The following ADAMTS20 variants were observed in gnomAD, a reference collection of about 807,000 sequenced individuals.
The protein encoded by ADAMTS20 is A disintegrin and metalloproteinase with thrombospondin motifs 20.
In ADAMTS20, 225 loss-of-function variants were observed where a neutral mutation model predicts 260.1. That is an observed-to-expected ratio of 0.87 (90% CI 0.78 to 0.97). ADAMTS20 has a LOEUF of 0.97. Among genes scored for constraint, ADAMTS20 ranks in the 50% least tolerant of loss-of-function variants. The probability of loss-of-function intolerance (pLI) is 0.00; values close to 1 mark genes in which losing one functional copy is unlikely to be tolerated. For missense variants in ADAMTS20, 2,400 were observed against 2,337.7 expected (o/e 1.03, Z -0.55); for synonymous variants, 802 against 769.5 (o/e 1.04, Z -0.70).
At chr12:43,375,278 G>T in intron 36 of ADAMTS20, 101 bp downstream of exon 36, 1 of 1,281,088 alleles carries the variant, frequency 7.8e-7, no homozygotes, top group Non-Finnish European at 1.1e-6. Flanking sequence ...ACAATGTCAG[G>T]TCCTTCTCTG....
intron 36 of ADAMTS20, among the ~76,000 whole-genome samples, chr12:43,369,711 C>G: frequency 6.6e-6 from 1 of 151,772 alleles, no homozygotes; most frequent in Non-Finnish European, 1.5e-5. Flanking sequence ...GGGTCAGGAG[C>G]AAAATCACTG....
At chr12:43,542,965 G>A (rs1439334917) in intron 2 of ADAMTS20, among the ~76,000 whole-genome samples, 1 of 152,164 alleles carries the variant, frequency 6.6e-6, no homozygotes, top group Non-Finnish European at 1.5e-5. Context: ...AGTTCCAGAA[G>A]GTAGAACCAA....
chr12:43,462,495 C>G (rs1360751772), intron 11 of ADAMTS20, among the ~76,000 whole-genome samples: 1 of 152,100 alleles, frequency 6.6e-6, no homozygotes, highest in Non-Finnish European at 1.5e-5. Flanking sequence ...AAAGAAGCCA[C>G]TTAAAACTTT....
At chr12:43,395,864 G>A (rs1421438225) in intron 29 of ADAMTS20, among the ~76,000 whole-genome samples, 1 of 151,852 alleles carries the variant, frequency 6.6e-6, no homozygotes, top group Non-Finnish European at 1.5e-5. Context: ...AAGGGGAGGT[G>A]AGAATTCAGA....
chr12:43,545,904 G>T (rs534875186), intron 2 of ADAMTS20, among the ~76,000 whole-genome samples: 1 of 151,972 alleles, frequency 6.6e-6, no homozygotes, highest in Non-Finnish European at 1.5e-5. Context: ...TCTCTTGAAA[G>T]ACCTGGACTA....
At position 43,377,369 on chromosome 12, in the gene ADAMTS20, C is replaced by G; in HGVS notation, c.4991G>C (p.Ser1664Thr). Residue 1664 changes from serine (S) to threonine (T), a missense_variant, in exon 32 of 39, where the codon AGC (serine) becomes ACC (threonine). Ser to Thr is a moderately conservative substitution (Grantham distance 58). Transcript: ENST00000389420. ...HLATWKVGKW[S>T]KCSVTCGIGI... ...AATTCATAATTGTACACCGACCTTG[C>G]TCCATTTTCCAACTTTCCAAGTGGC... 1 of 1,610,260 alleles carries G rather than the reference C, an allele frequency of 6.2e-7. No homozygotes were observed. Among genetic ancestry groups the G allele is most frequent in the Non-Finnish European group, 8.5e-7 (1 of 1,177,696 alleles).
chr12:43,490,260 A>T lies in ADAMTS20; in HGVS notation c.1117+135T>A, dbSNP rs1329925298. On this transcript the variant is annotated intron_variant, in intron 7 of 38. Transcript: ENST00000389420. Reference sequence around the variant, plus strand: ...TTACAGCAGCAGAATGAAATAAGTGACAAGTGTAATAATTTATCAAGATAA... The same window carrying T: ...TTACAGCAGCAGAATGAAATAAGTGTCAAGTGTAATAATTTATCAAGATAA... 5 of 488,054 alleles carry T rather than the reference A, an allele frequency of 1.0e-5. No individual in the cohort carries two copies. In the African/African-American group the frequency reaches 1.0e-4, roughly 10 times the overall value. The allele number at this position is 488,054 out of a possible 1,614,324, so 30.2% of individuals were successfully genotyped here.
At chr12:43,385,633 T>C (rs1052321343) in intron 29 of ADAMTS20, among the ~76,000 whole-genome samples, 10 of 152,168 alleles carry the variant, frequency 6.6e-5, no homozygotes, top group Non-Finnish European at 1.3e-4. Context: ...GTATAAGGTG[T>C]AAGGAGGGGG....
At chr12:43,432,244 A>T (rs576570042) in intron 21 of ADAMTS20, 60 bp downstream of exon 21, 1 of 1,520,858 alleles carries the variant, frequency 6.6e-7, no homozygotes, top group South Asian at 1.2e-5. Context: ...AAAGTCTTAG[A>T]TTACAAAGCT....
chr12:43,381,806 A>G (rs897110000), intron 31 of ADAMTS20, among the ~76,000 whole-genome samples: 9 of 145,136 alleles, frequency 6.2e-5, no homozygotes, highest in African/African-American at 2.0e-4. Context: ...AAAAAAAAAG[A>G]TGGGCAGAAG....
At chr12:43,487,406 G>T (rs1298467476) in intron 7 of ADAMTS20, among the ~76,000 whole-genome samples, 1 of 148,914 alleles carries the variant, frequency 6.7e-6, no homozygotes, top group African/African-American at 2.5e-5. Context: ...AATGGACACT[G>T]GAAGCTCGGA....
chr12:43,381,346 C>CA (rs765722172), intron 31 of ADAMTS20, among the ~76,000 whole-genome samples: 2 of 151,764 alleles, frequency 1.3e-5, no homozygotes, highest in Non-Finnish European at 2.9e-5. Context: ...AGAACTAAAA[C>CA]AAAAAACAAA....
rs74082061 is a variant in ADAMTS20, at chr12:43,482,506, T to G, written c.1117+7889A>C. Among the ~76,000 whole-genome samples the G allele has an allele frequency of 6.2e-3, 948 of 152,292 alleles. 15 individuals carry two copies. Among genetic ancestry groups the G allele is most frequent in the Middle Eastern group, 0.024 (7 of 294 alleles). The stretch of plus-strand genomic sequence containing the variant: ...AGTGTGGGAGCTGAGTGGGGCTTAC[T>G]GCCACCTCCCAGTGTAGATTCTTTT... On this transcript the variant is annotated intron_variant, in intron 7 of 38. Transcript: ENST00000389420.
rs755435967 is a variant in ADAMTS20, at chr12:43,383,677, C to T, written c.4678G>A (p.Asp1560Asn). 6.2e-7 allele frequency: 1 copy of T among 1,613,908 alleles called. No homozygotes were observed. Among genetic ancestry groups the T allele is most frequent in the Non-Finnish European group, 8.5e-7 (1 of 1,179,844 alleles). ...KDSHQRMECT[D>N]NQIRQVNEIV... Reference sequence around the variant, plus strand: ...TCATTCACTTGTCTGATTTGGTTATCTGTGCACTCCATTCGTTGATGTGAA... The same window carrying T: ...TCATTCACTTGTCTGATTTGGTTATTTGTGCACTCCATTCGTTGATGTGAA... Residue 1560 changes from aspartate to asparagine, a missense_variant, in exon 31 of 39, where the codon GAT becomes AAT. Coordinates refer to ENST00000389420, the MANE Select transcript of ADAMTS20 (RefSeq NM_025003.5).
intron 28 of ADAMTS20, among the ~76,000 whole-genome samples, chr12:43,406,878 A>G (rs1449767857): frequency 2.0e-5 from 3 of 152,086 alleles, no homozygotes; most frequent in Admixed American, 2.0e-4. Flanking sequence ...TTAAAACAAA[A>G]AAAATGACAA....
chr12:43,381,010 A>G (rs1167286119), intron 31 of ADAMTS20, among the ~76,000 whole-genome samples: 1 of 152,180 alleles, frequency 6.6e-6, no homozygotes, highest in African/African-American at 2.4e-5. Flanking sequence ...AGTCATCAAG[A>G]CTACATGGTA....
At position 43,551,722 on chromosome 12, in the gene ADAMTS20, A is replaced by G; in HGVS notation, c.91+109T>C. On this transcript the variant is annotated intron_variant, in intron 1 of 38. Coordinates refer to ENST00000389420, the MANE Select transcript of ADAMTS20 (RefSeq NM_025003.5). This position sits in a 1 kb window ranked among gnomAD's most constrained non-coding sequence, Gnocchi z 4.6. The stretch of plus-strand genomic sequence containing the variant: ...GTCCGGGAGTCCCGGGAGCTCCAGC[A>G]GGGCCAGCGTTCCCCAACGGGCTGA... The G allele has an allele frequency of 8.7e-7, 1 of 1,147,368 alleles. No individual in the cohort carries two copies. Among genetic ancestry groups the G allele is most frequent in the Non-Finnish European group, 1.3e-6 (1 of 787,176 alleles). 71.1% of individuals were successfully genotyped at this position (1,147,368 alleles called of 1,614,324 possible). A position where few individuals can be genotyped will look rare whatever the true frequency, so the allele number is the denominator to read the frequency against.
Position 43,492,359 on chromosome 12 carries a change from G to A in ADAMTS20, c.1076+146C>T, listed in dbSNP as rs887014063. ...CGCGCCACTGCACTCCACCCTGGGC[G>A]ACAGAGCGAGACTCTGTCTCAAAAA... On this transcript the variant is annotated intron_variant, in intron 6 of 38. Transcript: ENST00000389420. The A allele has an allele frequency of 8.2e-6, 8 of 974,126 alleles. No homozygotes were observed. In the African/African-American group the frequency reaches 8.4e-5, roughly 10 times the overall value. The allele number at this position is 974,126 out of a possible 1,614,324, so 60.3% of individuals were successfully genotyped here.
At chr12:43,409,466 G>T (rs1295607788) in intron 28 of ADAMTS20, among the ~76,000 whole-genome samples, 4 of 149,682 alleles carry the variant, frequency 2.7e-5, no homozygotes, top group Admixed American at 2.6e-4. Context: ...GCCGGGCGTA[G>T]TGGCGGGCGC....
Sources: gnomAD v4.1 joint callset for allele counts (sites outside exome capture counted in the v4.1 genomes callset) on GRCh38, gnomAD v4.1.1 for gene constraint, Gnocchi (gnomAD v3.1) non-coding constraint, MANE v1.5 for transcripts, NCBI Gene and HGNC (gene_info 2026-07-23, HGNC 2026-07-21) for gene names.